Variants in TRERF1 observed in about 807,000 individuals in gnomAD.
TRERF1 encodes the protein transcriptional regulating factor 1.
TRERF1 carries 27 observed loss-of-function variants against 122.9 expected under a neutral mutation model. The observed-to-expected ratio is 0.22, with a 90% CI of 0.16 to 0.30. The LOEUF is 0.30. Among genes scored for constraint, TRERF1 ranks in the 10% least tolerant of loss-of-function variants. TRERF1 has a pLI of 1.00. For missense variants in TRERF1, 1,248 were observed against 1,560.3 expected (o/e 0.80, Z 3.37); for synonymous variants, 636 against 641.7 (o/e 0.99, Z 0.13).
At chr6:42,262,601 C>CACAGAGAGAGAGAG (rs1778365930) in intron 8 of TRERF1, among the ~76,000 whole-genome samples, 3 of 59,130 alleles carry the variant, frequency 5.1e-5, no homozygotes, top group African/African-American at 2.4e-4. Context: ...GAGAGAGAGA[C>CACAGAGAGAGAGAG]AGACAGACGG....
intron 2 of TRERF1, among the ~76,000 whole-genome samples, chr6:42,447,656 C>T (rs1263498146): frequency 6.6e-6 from 1 of 152,142 alleles, no homozygotes; most frequent in Non-Finnish European, 1.5e-5. Flanking sequence ...ATTTATACCG[C>T]CTGGGGTATA....
chr6:42,370,378 T>C (rs1165946809), intron 2 of TRERF1, among the ~76,000 whole-genome samples: 3 of 152,242 alleles, frequency 2.0e-5, no homozygotes, highest in Non-Finnish European at 4.4e-5. Flanking sequence ...CTCTTTGTTA[T>C]CTTTGTTATG....
chr6:42,438,329 G>T lies in TRERF1; in HGVS notation c.-454+12848C>A, dbSNP rs144307909. The stretch of plus-strand genomic sequence containing the variant: ...CTTCCTAAAGAAAACAATCCCCCTG[G>T]CCGGGGGCGGTGGCTCACGCCTGTA... On this transcript the variant is annotated intron_variant, in intron 2 of 17. Transcript: ENST00000372922. Among the ~76,000 whole-genome samples the T allele has an allele frequency of 2.9e-4, 44 of 151,848 alleles. No homozygotes were observed. In the East Asian group the frequency reaches 8.2e-3, roughly 28 times the overall value.
intron 3 of TRERF1, among the ~76,000 whole-genome samples, chr6:42,347,854 T>G (rs1348084751): frequency 6.6e-6 from 1 of 152,228 alleles, no homozygotes; most frequent in Non-Finnish European, 1.5e-5. Context: ...TCTGCAGAGC[T>G]TCCCAGAGGG....
In TRERF1 at chr6:42,275,292, CT is replaced by C. The variant is rs1169591272; in HGVS notation, c.-258-5445del. Among the ~76,000 whole-genome samples, 1 of 152,214 alleles carries C rather than the reference CT, an allele frequency of 6.6e-6. No individual in the cohort carries two copies. The highest frequency in any genetic ancestry group is 1.5e-5 in the Non-Finnish European group (1 of 68,044). On this transcript the variant is annotated intron_variant, in intron 4 of 17. Transcript: ENST00000372922. The surrounding 1 kb of genome is among the most constrained non-coding windows in gnomAD (Gnocchi z 4.1). ...TCTACTGGGTAATTTGTACCAGGAG[CT>C]TTTTCATTCATGAACTAATTAACAG...
intron 8 of TRERF1, among the ~76,000 whole-genome samples, chr6:42,261,888 T>C (rs2149805837): frequency 6.6e-6 from 1 of 152,264 alleles, no homozygotes; most frequent in Non-Finnish European, 1.5e-5. Flanking sequence ...CCCCAGTCCA[T>C]AATGACTTTG....
intron 14 of TRERF1, 152 bp from the exon 15 acceptor site, chr6:42,243,513 G>A (rs955180009): frequency 3.0e-5 from 17 of 572,964 alleles, no homozygotes; most frequent in African/African-American, 7.6e-5. Flanking sequence ...TCCTTCACAC[G>A]CCTGTCCTTA....
Position 42,263,607 on chromosome 6 carries a change from C to G in TRERF1, c.1636-39G>C. 1.4e-6 allele frequency: 2 copies of G among 1,454,520 alleles called. No homozygotes were observed. Among genetic ancestry groups the G allele is most frequent in the Non-Finnish European group, 1.8e-6 (2 of 1,098,632 alleles). 90.1% of individuals were successfully genotyped at this position (1,454,520 alleles called of 1,614,324 possible). On this transcript the variant is annotated intron_variant, in intron 7 of 17. Transcript: ENST00000372922. This position sits in a 1 kb window ranked among gnomAD's most constrained non-coding sequence, Gnocchi z 5.6. ...AAAGGCTTTGATCCTGGGCTGAGAG[C>G]AGCTCTCACAAGGGGGATGCACTTT...
intron 2 of TRERF1, among the ~76,000 whole-genome samples, chr6:42,375,341 G>A (rs1185329168): frequency 2.0e-5 from 3 of 152,198 alleles, no homozygotes; most frequent in Admixed American, 6.5e-5. Flanking sequence ...GAGCAGCTCC[G>A]GAGCCACCCT....
chr6:42,330,634 G>T (rs1338122781), intron 3 of TRERF1, among the ~76,000 whole-genome samples: 1 of 152,126 alleles, frequency 6.6e-6, no homozygotes, highest in African/African-American at 2.4e-5. Context: ...TATGCCTAAA[G>T]ATTTAGCTGC....
At chr6:42,387,180 G>C (rs1776944006) in intron 2 of TRERF1, among the ~76,000 whole-genome samples, 1 of 152,206 alleles carries the variant, frequency 6.6e-6, no homozygotes, top group Non-Finnish European at 1.5e-5. Flanking sequence ...TAACAAAGGT[G>C]GGCCACTGGG....
intron 2 of TRERF1, among the ~76,000 whole-genome samples, chr6:42,420,147 C>T (rs939399569): frequency 1.3e-5 from 2 of 152,186 alleles, no homozygotes; most frequent in African/African-American, 2.4e-5. Flanking sequence ...GATGGGAGGA[C>T]GGCAAAGCAA....
At position 42,228,461 on chromosome 6, in the gene TRERF1, C is replaced by T. The variant is rs761241937; in HGVS notation, c.3487G>A (p.Asp1163Asn). 1.2e-5 allele frequency: 19 copies of T among 1,614,082 alleles called. No individual in the cohort carries two copies. The Admixed American group carries it at 1.8e-4, about 16-fold the overall frequency. Residue 1163 changes from aspartate (D) to asparagine (N), a missense_variant, in exon 18 of 18, where the codon GAC (aspartate) becomes AAC (asparagine). Transcript: ENST00000372922. The surrounding 1 kb of genome is among the most constrained non-coding windows in gnomAD (Gnocchi z 4.2). Reference sequence around the variant, plus strand: ...CCCAACTGCTGGACGACGTCGTCGTCGAGGATGTCCACATCCTTGATGGGT... The same window carrying T: ...CCCAACTGCTGGACGACGTCGTCGTTGAGGATGTCCACATCCTTGATGGGT...
chr6:42,341,837 G>A (rs1767353360), intron 3 of TRERF1, among the ~76,000 whole-genome samples: 1 of 152,194 alleles, frequency 6.6e-6, no homozygotes, highest in African/African-American at 2.4e-5. Context: ...ATGTGATGGG[G>A]TAGGAGTCTC....
At chr6:42,402,886 T>A (rs1779607691) in intron 2 of TRERF1, among the ~76,000 whole-genome samples, 1 of 152,024 alleles carries the variant, frequency 6.6e-6, no homozygotes, top group African/African-American at 2.4e-5. Context: ...GTCAGGGAAG[T>A]CACCCAGGGT....
chr6:42,367,030 A>T (rs1191621065), intron 2 of TRERF1, among the ~76,000 whole-genome samples: 1 of 152,246 alleles, frequency 6.6e-6, no homozygotes, highest in Non-Finnish European at 1.5e-5. Context: ...CTGAAGTCAC[A>T]GGAGCACTGG....
intron 2 of TRERF1, among the ~76,000 whole-genome samples, chr6:42,447,209 CTG>C (rs967930972): frequency 1.3e-5 from 2 of 152,208 alleles, no homozygotes; most frequent in African/African-American, 4.8e-5. Context: ...CAAGAATCAT[CTG>C]TTTCTTCAGT....
chr6:42,446,904 C>T (rs953449254), intron 2 of TRERF1, among the ~76,000 whole-genome samples: 3 of 152,124 alleles, frequency 2.0e-5, no homozygotes, highest in African/African-American at 2.4e-5. Context: ...ACCTGGGAGG[C>T]TGGGGCAGGA....
In TRERF1 at chr6:42,423,666, T is replaced by C. The variant is rs74523865; in HGVS notation, c.-454+27511A>G. On this transcript the variant is annotated intron_variant, in intron 2 of 17. Transcript: ENST00000372922. Reference sequence around the variant, plus strand: ...GTAATAAGAAAAAAATAAAATAAAATGCACACATATGCACCTAATATCATA... The same window carrying C: ...GTAATAAGAAAAAAATAAAATAAAACGCACACATATGCACCTAATATCATA... Among the ~76,000 whole-genome samples, 1,050 of 152,268 alleles carry C rather than the reference T, an allele frequency of 6.9e-3. 11 individuals are homozygous for C. Among genetic ancestry groups the C allele is most frequent in the African/African-American group, 0.023 (969 of 41,562 alleles).
Sources: gnomAD v4.1 joint callset for allele counts (sites outside exome capture counted in the v4.1 genomes callset) on GRCh38, gnomAD v4.1.1 for gene constraint, Gnocchi (gnomAD v3.1) non-coding constraint, MANE v1.5 for transcripts, NCBI Gene and HGNC (gene_info 2026-07-23, HGNC 2026-07-21) for gene names.